METTL15: variants seen among roughly 807,000 people sequenced by gnomAD.
METTL15 encodes methyltransferase 15, mitochondrial 12S rRNA N4-cytidine.
A neutral mutation model predicts 38.3 loss-of-function variants in METTL15; 34 were observed. The observed-to-expected ratio is 0.89, with a 90% CI of 0.68 to 1.18. The LOEUF is 1.18. Among genes scored for constraint, METTL15 ranks in the 50% most tolerant of loss-of-function variants. METTL15 has a pLI of 0.00. For synonymous variants in METTL15, 162 were observed against 170.9 expected, an observed-to-expected ratio of 0.95 and a Z score of 0.41; for missense variants, 438 against 498.4, an observed-to-expected ratio of 0.88 and a Z score of 1.15.
At chr11:28,446,757 G>A (rs984114410) in intron 6 of METTL15, among the ~76,000 whole-genome samples, 1 of 151,924 alleles carries the variant, frequency 6.6e-6, no homozygotes, top group African/African-American at 2.4e-5. Flanking sequence ...AATGTTTATT[G>A]TAAAGTACAA....
chr11:28,260,319 CT>C (rs913674670), intron 4 of METTL15, among the ~76,000 whole-genome samples: 2 of 152,166 alleles, frequency 1.3e-5, no homozygotes, highest in Non-Finnish European at 2.9e-5. Flanking sequence ...AGGGCTTTTT[CT>C]TCATACTGCT....
At chr11:28,305,276 C>G (rs1199107268) in intron 6 of METTL15, among the ~76,000 whole-genome samples, 1 of 152,112 alleles carries the variant, frequency 6.6e-6, no homozygotes, top group Non-Finnish European at 1.5e-5. Context: ...GTTTGTGGCA[C>G]CAAATGGGGA....
chr11:28,421,058 T>G (rs1431575616), intron 5 of METTL15, among the ~76,000 whole-genome samples: 1 of 151,682 alleles, frequency 6.6e-6, no homozygotes, highest in Non-Finnish European at 1.5e-5. Flanking sequence ...AAATTAATAG[T>G]CAAATTAGAG....
At chr11:28,374,255 C>G (rs1010140440) in intron 5 of METTL15, among the ~76,000 whole-genome samples, 6 of 152,024 alleles carry the variant, frequency 3.9e-5, no homozygotes, top group African/African-American at 9.7e-5. Context: ...TTACCTTGGG[C>G]AGTATGGCCA....
At chr11:28,260,369 C>G (rs2133938640) in intron 4 of METTL15, among the ~76,000 whole-genome samples, 1 of 152,282 alleles carries the variant, frequency 6.6e-6, no homozygotes, top group African/African-American at 2.4e-5. Context: ...TCCGCTATCA[C>G]TCTCCTCCAT....
At chr11:28,361,562 C>T (rs1232516479) in intron 4 of METTL15, among the ~76,000 whole-genome samples, 1 of 152,130 alleles carries the variant, frequency 6.6e-6, no homozygotes, top group African/African-American at 2.4e-5. Context: ...TTTACTCTTA[C>T]TCTAGCTAGA....
chr11:28,482,042 C>T (rs913670630), intron 6 of METTL15, among the ~76,000 whole-genome samples: 2 of 152,100 alleles, frequency 1.3e-5, no homozygotes, highest in South Asian at 2.1e-4. Flanking sequence ...GCCCTAGGCA[C>T]CCCTGCTGCA....
intron 6 of METTL15, among the ~76,000 whole-genome samples, chr11:28,463,547 A>G (rs1851232929): frequency 6.6e-6 from 1 of 152,194 alleles, no homozygotes; most frequent in African/African-American, 2.4e-5. Context: ...AGGAAAAAAT[A>G]CAAAGTTTCG....
At chr11:28,358,488 C>T (rs1439568812) in intron 4 of METTL15, among the ~76,000 whole-genome samples, 1 of 152,060 alleles carries the variant, frequency 6.6e-6, no homozygotes, top group Non-Finnish European at 1.5e-5. Flanking sequence ...AAGAAGTGTC[C>T]CATGATGAAT....
chr11:28,517,409 T>C (rs1322239287), intron 6 of METTL15: 2 of 152,166 alleles, frequency 1.3e-5, no homozygotes, highest in Non-Finnish European at 2.9e-5. Flanking sequence ...TTCAAACATA[T>C]TTATTTCCAT....
intron 6 of METTL15, among the ~76,000 whole-genome samples, chr11:28,469,170 G>A (rs1206265932): frequency 6.6e-6 from 1 of 152,078 alleles, no homozygotes; most frequent in Non-Finnish European, 1.5e-5. Flanking sequence ...TTATTTGGTT[G>A]GGTCAGTTTC....
chr11:28,119,960 A>C (rs184332110), intron 3 of METTL15, among the ~76,000 whole-genome samples: 1 of 152,096 alleles, frequency 6.6e-6, no homozygotes, highest in African/African-American at 2.4e-5. Context: ...TATCTTTTTA[A>C]ATTTTTTTTG....
At chr11:28,392,357 A>T (rs1357687616) in intron 5 of METTL15, among the ~76,000 whole-genome samples, 4 of 152,166 alleles carry the variant, frequency 2.6e-5, no homozygotes, top group Non-Finnish European at 5.9e-5. Flanking sequence ...TAAAGTAATT[A>T]AAACAGTGTA....
At chr11:28,388,717 C>A (rs1317126400) in intron 5 of METTL15, among the ~76,000 whole-genome samples, 2 of 152,044 alleles carry the variant, frequency 1.3e-5, no homozygotes, top group African/African-American at 4.8e-5. Context: ...TTTTAGGGGA[C>A]ATATGCACAA....
chr11:28,207,283 A>G (rs1189572008), intron 3 of METTL15, among the ~76,000 whole-genome samples: 1 of 152,030 alleles, frequency 6.6e-6, no homozygotes, highest in African/African-American at 2.4e-5. Context: ...GATACGTCCC[A>G]TCAATACCTA....
At chr11:28,221,483 T>C (rs886163275) in intron 4 of METTL15, among the ~76,000 whole-genome samples, 10 of 152,204 alleles carry the variant, frequency 6.6e-5, no homozygotes, top group African/African-American at 1.7e-4. Flanking sequence ...TCAAGGTTTT[T>C]AACTTCTTTG....
chr11:28,307,709 T>A (rs965123980), intron 6 of METTL15, among the ~76,000 whole-genome samples: 2 of 151,996 alleles, frequency 1.3e-5, no homozygotes, highest in African/African-American at 4.8e-5. Flanking sequence ...ATACACATAT[T>A]ATGTATCGAC....
chr11:28,324,398 CT>C (rs969852923), intron 6 of METTL15, among the ~76,000 whole-genome samples: 1 of 152,114 alleles, frequency 6.6e-6, no homozygotes, highest in East Asian at 1.9e-4. Context: ...CACATTTCCC[CT>C]ATGTCAGGTA....
chr11:28,398,351 T>A lies in METTL15; in HGVS notation c.*359-25948T>A, dbSNP rs1012408291. Among the ~76,000 whole-genome samples, 5 of 152,108 alleles carry A rather than the reference T, an allele frequency of 3.3e-5. No homozygotes were observed. In the East Asian group the frequency reaches 9.7e-4, roughly 29 times the overall value. ...TCTTCAGCATCTGTTGTTTCCTGAC[T>A]TTTTTAATGATCACCATTCTAGCTG... On this transcript the variant is annotated intron_variant and NMD_transcript_variant, in intron 5 of 7. Transcript: ENST00000532947.
Sources: allele counts gnomAD v4.1 joint callset (sites outside exome capture counted in the v4.1 genomes callset), GRCh38; gene constraint gnomAD v4.1.1; transcripts MANE v1.5; gene names NCBI Gene and HGNC (gene_info 2026-07-23, HGNC 2026-07-21).